Variants in FER1L6 observed in about 807,000 individuals in gnomAD.
FER1L6 encodes fer-1 like family member 6, also known as fer-1-like protein 6.
A neutral mutation model predicts 219.2 loss-of-function variants in FER1L6; 177 were observed. That is an observed-to-expected ratio of 0.81 (90% confidence interval 0.71 to 0.91). FER1L6 has a LOEUF of 0.91. Ranked by LOEUF, FER1L6 falls within the 40% of genes least tolerant of loss-of-function variation. The probability of loss-of-function intolerance (pLI) is 0.00; values close to 1 mark genes in which losing one functional copy is unlikely to be tolerated. For synonymous variants in FER1L6, 768 were observed against 824.3 expected, an observed-to-expected ratio of 0.93 and a Z score of 1.17; for missense variants, 2,153 against 2,259.9, an observed-to-expected ratio of 0.95 and a Z score of 0.96.
intron 1 of FER1L6, among the ~76,000 whole-genome samples, chr8:123,880,484 G>A (rs147721131): frequency 1.3e-5 from 2 of 152,304 alleles, no homozygotes; most frequent in African/African-American, 4.8e-5. Context: ...GTTTTGCAGA[G>A]AAGAGAACTT....
intron 1 of FER1L6, among the ~76,000 whole-genome samples, chr8:123,895,152 A>C (rs1812722995): frequency 6.6e-6 from 1 of 152,254 alleles, no homozygotes; most frequent in Admixed American, 6.5e-5. Flanking sequence ...ACCTGTATCA[A>C]GTAATGAAGA....
chr8:124,045,606 T>C (rs149831272), intron 20 of FER1L6, among the ~76,000 whole-genome samples, 161 bp from the exon 21 acceptor site: 209 of 152,348 alleles, frequency 1.4e-3, no homozygotes, highest in African/African-American at 4.9e-3. Context: ...GTTTAGTACA[T>C]AGTAGCTGCT....
chr8:123,920,921 ATAC>A (rs1261341022), intron 1 of FER1L6, among the ~76,000 whole-genome samples: 1 of 152,326 alleles, frequency 6.6e-6, no homozygotes, highest in African/African-American at 2.4e-5. Flanking sequence ...TATACTACTC[ATAC>A]CTCATATAAG....
At chr8:123,976,710 C>T (rs1009816426) in intron 9 of FER1L6, among the ~76,000 whole-genome samples, 1 of 152,144 alleles carries the variant, frequency 6.6e-6, no homozygotes, top group African/African-American at 2.4e-5. Flanking sequence ...TTTCCACCCA[C>T]CTCCTGACCT....
chr8:124,091,086 A>C (rs143206782), intron 33 of FER1L6, among the ~76,000 whole-genome samples: 1 of 152,342 alleles, frequency 6.6e-6, no homozygotes, highest in African/African-American at 2.4e-5. Context: ...AACTAGATAA[A>C]GGTGATGGTT....
At chr8:123,860,535 A>AG (rs1410804895) in intron 1 of FER1L6, among the ~76,000 whole-genome samples, 30 of 119,520 alleles carry the variant, frequency 2.5e-4, no homozygotes, top group African/African-American at 9.2e-4. Flanking sequence ...TTCTACTTCT[A>AG]GATCCCTGAG....
chr8:124,023,597 G>T lies in FER1L6; in HGVS notation c.2286+1G>T, dbSNP rs1342634425. 6.2e-7 allele frequency: 1 copy of T among 1,614,000 alleles called. No individual in the cohort carries two copies. ...CAAGATCAAAACTCACTTCCTCAAA[G>T]TAAGTGTGCAGTATTTTAACTAAAA... On this transcript the variant is annotated splice_donor_variant, in intron 18 of 40. Transcript: ENST00000522917. LOFTEE classifies it high-confidence loss of function.
chr8:123,952,988 C>T (rs1814838872), intron 1 of FER1L6, among the ~76,000 whole-genome samples: 2 of 152,120 alleles, frequency 1.3e-5, no homozygotes, highest in African/African-American at 4.8e-5. Flanking sequence ...GTTAAGTATC[C>T]AACCCCAAAT....
At chr8:124,031,026 G>A (rs772083623) in intron 18 of FER1L6, among the ~76,000 whole-genome samples, 8 of 151,996 alleles carry the variant, frequency 5.3e-5, no homozygotes, top group Admixed American at 2.6e-4. Context: ...ATTCTTAATT[G>A]TTTTTCTCTG....
chr8:124,019,211 G>A (rs1209217452), intron 16 of FER1L6, among the ~76,000 whole-genome samples: 3 of 152,084 alleles, frequency 2.0e-5, no homozygotes, highest in African/African-American at 7.2e-5. Context: ...TCTTTAGTTC[G>A]TTCCTATGTA....
chr8:123,865,008 G>A (rs1342364861), intron 1 of FER1L6, among the ~76,000 whole-genome samples: 3 of 151,184 alleles, frequency 2.0e-5, no homozygotes, highest in African/African-American at 7.4e-5. Context: ...ATCCAGCTTT[G>A]TTCCATTGCT....
intron 33 of FER1L6, among the ~76,000 whole-genome samples, chr8:124,089,222 G>A (rs1821914299): frequency 6.6e-6 from 1 of 152,234 alleles, no homozygotes; most frequent in Admixed American, 6.5e-5. Context: ...TGGTCTAAAT[G>A]CTCCTTGCAT....
rs143723737 is a variant in FER1L6, at chr8:123,852,826, A to G, written c.-8+641A>G. Among the ~76,000 whole-genome samples the G allele has an allele frequency of 5.0e-3, 757 of 152,220 alleles. 21 individuals carry two copies. The highest frequency in any genetic ancestry group is 0.046 in the Admixed American group (700 of 15,284). On this transcript the variant is annotated intron_variant, in intron 1 of 40. Transcript: ENST00000522917. The surrounding 1 kb of genome is among the most constrained non-coding windows in gnomAD (Gnocchi z 4.9). ...CTCCACGCTTTATTTGGATTTCACA[A>G]GTTTTTCCACGAATGTCTTTTTCTG...
At chr8:123,985,800 T>G in intron 11 of FER1L6, 1 of 321,044 alleles carries the variant, frequency 3.1e-6, no homozygotes. Flanking sequence ...ACCAAGTTTA[T>G]ATGTTAAAAT....
intron 1 of FER1L6, among the ~76,000 whole-genome samples, chr8:123,865,826 G>T (rs1260233794): frequency 6.6e-6 from 1 of 151,432 alleles, no homozygotes; most frequent in South Asian, 2.1e-4. Flanking sequence ...GCAATGCCTC[G>T]CCCTGCTTTG....
At chr8:124,116,994 C>T (rs1433072828) in intron 39 of FER1L6, among the ~76,000 whole-genome samples, 1 of 152,120 alleles carries the variant, frequency 6.6e-6, no homozygotes, top group Admixed American at 6.5e-5. Context: ...AAGACGAATA[C>T]CATTGGATGG....
chr8:123,989,856 T>C (rs1451605871), intron 12 of FER1L6, among the ~76,000 whole-genome samples: 1 of 152,232 alleles, frequency 6.6e-6, no homozygotes, highest in East Asian at 1.9e-4. Flanking sequence ...CAATTGTGAA[T>C]TGTGCTGCAA....
rs148701675 is a variant in FER1L6 at position 123,900,371 on chromosome 8, A to G, written c.-8+48186A>G. Among the ~76,000 whole-genome samples, 214 of 152,216 alleles carry G rather than the reference A, an allele frequency of 1.4e-3. 1 individual carries two copies. Among genetic ancestry groups the G allele is most frequent in the African/African-American group, 5.1e-3 (213 of 41,552 alleles). ...TATCTGGAAACTGCTGAATTCTTTG[A>G]TCAGTTCTAGGAGGTTTCTGGAGGA... On this transcript the variant is annotated intron_variant, in intron 1 of 40. Transcript: ENST00000522917.
At chr8:124,002,508 T>C (rs1817460016) in intron 12 of FER1L6, among the ~76,000 whole-genome samples, 1 of 152,214 alleles carries the variant, frequency 6.6e-6, no homozygotes, top group South Asian at 2.1e-4. Flanking sequence ...AGAGGAATGT[T>C]CATCTAAATC....
Sources: allele counts gnomAD v4.1 joint callset (sites outside exome capture counted in the v4.1 genomes callset), GRCh38; gene constraint gnomAD v4.1.1; non-coding constraint Gnocchi (gnomAD v3.1); transcripts MANE v1.5; gene names NCBI Gene and HGNC (gene_info 2026-07-23, HGNC 2026-07-21).